The following NSL1 variants were observed in gnomAD, a reference collection of about 807,000 sequenced individuals.
The protein encoded by NSL1 is NSL1 component of MIS12 kinetochore complex.
In NSL1, 11 loss-of-function variants were observed where a neutral mutation model predicts 25.4. The ratio of observed to expected loss-of-function variants is 0.43; its 90% CI spans 0.27 to 0.72. The LOEUF (loss-of-function observed/expected upper bound fraction) is 0.72. NSL1 is among the 30% of genes least tolerant of loss of function. NSL1 has a pLI of 0.19. For synonymous variants in NSL1, 118 were observed against 120.6 expected, an observed-to-expected ratio of 0.98 and a Z score of 0.14; for missense variants, 330 against 342.7, an observed-to-expected ratio of 0.96 and a Z score of 0.29.
At position 212,760,616 on chromosome 1, in the gene NSL1, C is replaced by T. The variant is rs953800968; in HGVS notation, c.500-21015G>A. The stretch of plus-strand genomic sequence containing the variant: ...GGGGACTGGCCAGCCCAGTCCATTG[C>T]CACCACCACTGCCGCCTGTGCTTGC... On this transcript the variant is annotated intron_variant, in intron 4 of 5. Transcript: ENST00000366977. This position sits in a 1 kb window ranked among gnomAD's most constrained non-coding sequence, Gnocchi z 4.3. Among the ~76,000 whole-genome samples the T allele has an allele frequency of 3.9e-5, 6 of 152,050 alleles. No homozygotes were observed. Among genetic ancestry groups the T allele is most frequent in the Non-Finnish European group, 1.5e-5 (1 of 67,988 alleles).
chr1:212,730,924 T>C lies in NSL1; in HGVS notation c.*7484A>G. 1.0e-6 allele frequency: 1 copy of C among 985,398 alleles called. No individual in the cohort carries two copies. The highest frequency in any genetic ancestry group is 1.2e-6 in the Non-Finnish European group (1 of 829,932). 61.0% of individuals were successfully genotyped at this position (985,398 alleles called of 1,614,324 possible). A position where few individuals can be genotyped will look rare whatever the true frequency, so the allele number is the denominator to read the frequency against. On this transcript the variant is annotated 3_prime_UTR_variant, in exon 6 of 6. Transcript: ENST00000366977. ...TTGTGATCCAGGGAAACCGACAAGT[T>C]AGAAATTTGCAATATGAACTCATTC...
Position 212,738,618 on chromosome 1 carries a change from G to A in NSL1, c.636C>T (p.His212=), listed in dbSNP as rs1385993415. ...SQVLRMQPVI[H]LQRIHQEVFS... is the part of the protein sequence containing the mutation. ...AGACTTCTTGGTGAATCCTCTGGAG[G>A]TGGATAACAGGCTGCATCCTGAGAA... The change falls in exon 6 of 6, where the codon CAC becomes CAT. Residue 212 remains histidine, a synonymous_variant. Coordinates refer to ENST00000366977, the MANE Select transcript of NSL1 (RefSeq NM_015471.4). 2.5e-6 allele frequency: 4 copies of A among 1,614,142 alleles called. No homozygotes were observed. The highest frequency in any genetic ancestry group is 2.2e-5 in the East Asian group (1 of 44,878).
At chr1:212,773,096 G>A (rs1283303040) in intron 4 of NSL1, among the ~76,000 whole-genome samples, 1 of 152,044 alleles carries the variant, frequency 6.6e-6, no homozygotes, top group Non-Finnish European at 1.5e-5. Flanking sequence ...ACTACTATAG[G>A]GAAACATAGG....
rs372733161 is a variant in NSL1 at position 212,729,316 on chromosome 1, CCTAA to C, written c.*9088_*9091del. 45 of 984,616 alleles carry C rather than the reference CCTAA, an allele frequency of 4.6e-5. No homozygotes were observed. The highest frequency in any genetic ancestry group is 4.3e-4 in the Admixed American group (7 of 16,286). 61.0% of individuals were successfully genotyped at this position (984,616 alleles called of 1,614,324 possible). A position where few individuals can be genotyped will look rare whatever the true frequency, so the allele number is the denominator to read the frequency against. On this transcript the variant is annotated 3_prime_UTR_variant, in exon 6 of 6. Coordinates refer to ENST00000366977, the MANE Select transcript of NSL1 (RefSeq NM_015471.4). Reference sequence around the variant, plus strand: ...ATCCCTAGATGCTACTGATGGCTCCCCTAACTGACGGCAAATTGCTTGTGGGCAG... The same window carrying C: ...ATCCCTAGATGCTACTGATGGCTCCCCTGACGGCAAATTGCTTGTGGGCAG...
At chr1:212,770,101 G>A (rs1174250412) in intron 4 of NSL1, among the ~76,000 whole-genome samples, 2 of 151,940 alleles carry the variant, frequency 1.3e-5, no homozygotes, top group Admixed American at 6.6e-5. Flanking sequence ...GACAAAGGAG[G>A]CCATTACATA....
rs1182685934 is a variant in NSL1, at chr1:212,736,722, A to G, written c.*1686T>C. The G allele has an allele frequency of 1.0e-6, 1 of 984,446 alleles. No individual in the cohort carries two copies. The highest frequency in any genetic ancestry group is 1.2e-6 in the Non-Finnish European group (1 of 829,154). The allele number at this position is 984,446 out of a possible 1,614,324, so 61.0% of individuals were successfully genotyped here. A position where few individuals can be genotyped will look rare whatever the true frequency, so the allele number is the denominator to read the frequency against. On this transcript the variant is annotated 3_prime_UTR_variant, in exon 6 of 6. Coordinates refer to ENST00000366977, the MANE Select transcript of NSL1 (RefSeq NM_015471.4). ...TTTTTAAAAACTTATAAAAATTTCC[A>G]ACACAAAGTAGAATATAGTCATTAC... is the stretch of plus-strand genomic sequence containing the variant.
intron 4 of NSL1, among the ~76,000 whole-genome samples, chr1:212,754,187 C>T (rs1001741538): frequency 1.3e-5 from 2 of 152,200 alleles, no homozygotes; most frequent in African/African-American, 4.8e-5. Flanking sequence ...GTGCATAAAA[C>T]TCCCTTCCTA....
At position 212,737,560 on chromosome 1, in the gene NSL1, T is replaced by A; in HGVS notation, c.*848A>T. ...TCTCAGACTTCTCCCAGTGATTATA[T>A]ACCTGATATATAAACATCTTCAAAT... On this transcript the variant is annotated 3_prime_UTR_variant, in exon 6 of 6. Transcript: ENST00000366977. 1 of 975,818 alleles carries A rather than the reference T, an allele frequency of 1.0e-6. No homozygotes were observed. Among genetic ancestry groups the A allele is most frequent in the Non-Finnish European group, 1.2e-6 (1 of 821,094 alleles). The allele number at this position is 975,818 out of a possible 1,614,324, so 60.4% of individuals were successfully genotyped here.
chr1:212,746,433 G>A (rs1226882294), intron 4 of NSL1, among the ~76,000 whole-genome samples: 1 of 151,996 alleles, frequency 6.6e-6, no homozygotes, highest in East Asian at 1.9e-4. Flanking sequence ...TAATAAAAGT[G>A]GCACACTTCA....
intron 4 of NSL1, 55 bp downstream of exon 4, chr1:212,782,317 C>A (rs1163693475): frequency 1.6e-6 from 2 of 1,213,138 alleles, no homozygotes; most frequent in Non-Finnish European, 2.4e-6. Context: ...TATCAGAAAC[C>A]CATAAAAATT....
At position 212,760,667 on chromosome 1, in the gene NSL1, G is replaced by C. The variant is rs956056644; in HGVS notation, c.500-21066C>G. On this transcript the variant is annotated intron_variant, in intron 4 of 5. Transcript: ENST00000366977. This position sits in a 1 kb window ranked among gnomAD's most constrained non-coding sequence, Gnocchi z 4.3. ...TGCCTGGGGGCCTGACGGTTGACCCGCCACTGCTACTGCCATCACCAACAC... is the reference window on the plus strand; with the variant it reads ...TGCCTGGGGGCCTGACGGTTGACCCCCCACTGCTACTGCCATCACCAACAC... Among the ~76,000 whole-genome samples the C allele has an allele frequency of 3.9e-5, 6 of 151,996 alleles. No homozygotes were observed. Among genetic ancestry groups the C allele is most frequent in the Non-Finnish European group, 8.8e-5 (6 of 68,006 alleles).
Position 212,738,519 on chromosome 1 carries a change from C to T in NSL1, c.735G>A (p.Glu245=), listed in dbSNP as rs754985886. The T allele has an allele frequency of 1.2e-6, 2 of 1,614,130 alleles. No homozygotes were observed. Among genetic ancestry groups the T allele is most frequent in the Admixed American group, 1.7e-5 (1 of 60,024 alleles). ...TGTCAGAGGTTTTCCTGGAAGCAGT[C>T]TCTGTTGGTGTGGTTTCTATCTGTG... ...FITQIETTPT[E]TASRKTSDMV... Residue 245 remains glutamate, a synonymous_variant, in exon 6 of 6, where the codon GAG becomes GAA. Coordinates refer to ENST00000366977, the MANE Select transcript of NSL1 (RefSeq NM_015471.4).
At chr1:212,759,716 C>A (rs1008924491) in intron 4 of NSL1, among the ~76,000 whole-genome samples, 8 of 152,154 alleles carry the variant, frequency 5.3e-5, no homozygotes, top group African/African-American at 1.7e-4. Context: ...TTGCTGACAT[C>A]CCCACTGCAT....
chr1:212,765,733 A>C (rs1263321104), intron 4 of NSL1, among the ~76,000 whole-genome samples: 4 of 151,850 alleles, frequency 2.6e-5, no homozygotes, highest in African/African-American at 9.7e-5. Flanking sequence ...TTGAACCTGG[A>C]AAGTGGAGGC....
At chr1:212,765,665 A>G (rs1337561855) in intron 4 of NSL1, among the ~76,000 whole-genome samples, 1 of 152,046 alleles carries the variant, frequency 6.6e-6, no homozygotes, top group Non-Finnish European at 1.5e-5. Flanking sequence ...TACTAAAAAT[A>G]CAAAAATTAG....
At chr1:212,756,441 T>C (rs1245803160) in intron 4 of NSL1, among the ~76,000 whole-genome samples, 3 of 152,208 alleles carry the variant, frequency 2.0e-5, no homozygotes, top group Non-Finnish European at 2.9e-5. Flanking sequence ...CAATGTAATA[T>C]GTAATTCAAT....
chr1:212,754,769 C>CAAAA (rs59259608), intron 4 of NSL1, among the ~76,000 whole-genome samples: 4 of 71,326 alleles, frequency 5.6e-5, no homozygotes, highest in South Asian at 5.3e-4. Context: ...AATTCTGTCT[C>CAAAA]AAAAAAAAAA....
intron 4 of NSL1, among the ~76,000 whole-genome samples, chr1:212,747,103 C>T (rs1171339339): frequency 6.7e-6 from 1 of 149,942 alleles, no homozygotes; most frequent in African/African-American, 2.5e-5. Context: ...TGAGATCGCA[C>T]TGCACTCCAG....
chr1:212,731,606 C>T lies in NSL1; in HGVS notation c.*6802G>A. 1.0e-6 allele frequency: 1 copy of T among 985,408 alleles called. No homozygotes were observed. Among genetic ancestry groups the T allele is most frequent in the South Asian group, 4.7e-5 (1 of 21,292 alleles). 61.0% of individuals were successfully genotyped at this position (985,408 alleles called of 1,614,324 possible). On this transcript the variant is annotated 3_prime_UTR_variant, in exon 6 of 6. Transcript: ENST00000366977. The stretch of plus-strand genomic sequence containing the variant: ...AAAATTATCAGTCCCTGGCCCAGTT[C>T]CCCCACCTAAGTTCATCCACAGAGT...
Sources: gnomAD v4.1 joint callset for allele counts (sites outside exome capture counted in the v4.1 genomes callset) on GRCh38, gnomAD v4.1.1 for gene constraint, Gnocchi (gnomAD v3.1) non-coding constraint, MANE v1.5 for transcripts, NCBI Gene and HGNC (gene_info 2026-07-23, HGNC 2026-07-21) for gene names.